RBFOX1: variants seen among roughly 807,000 people sequenced by gnomAD.
RBFOX1 encodes the protein RNA binding fox-1 homolog 1.
RBFOX1 carries 8 observed loss-of-function variants against 57.7 expected under a neutral mutation model. The ratio of observed to expected loss-of-function variants is 0.14; its 90% CI spans 0.08 to 0.25. The LOEUF (loss-of-function observed/expected upper bound fraction) is 0.25. Among genes scored for constraint, RBFOX1 ranks in the 10% least tolerant of loss-of-function variants. RBFOX1 has a pLI of 1.00. For synonymous variants in RBFOX1, 326 were observed against 222.4 expected (o/e 1.47, Z -4.15); for missense variants, 611 against 548.5 (o/e 1.11, Z -1.14).
intron 2 of RBFOX1, among the ~76,000 whole-genome samples, chr16:6,596,522 T>C (rs1228993906): frequency 6.9e-6 from 1 of 145,536 alleles, no homozygotes; most frequent in East Asian, 1.9e-4. Context: ...CACTCCTGTG[T>C]TCCTGGCATT....
chr16:7,529,130 G>A (rs542057118), intron 5 of RBFOX1, among the ~76,000 whole-genome samples: 4 of 152,104 alleles, frequency 2.6e-5, no homozygotes, highest in South Asian at 2.1e-4. Flanking sequence ...GCGTGGTGGC[G>A]GGCACTTGTC....
intron 5 of RBFOX1, among the ~76,000 whole-genome samples, chr16:7,542,400 G>T (rs1172607296): frequency 6.6e-6 from 1 of 152,134 alleles, no homozygotes; most frequent in African/African-American, 2.4e-5. Flanking sequence ...ACCCGGGTCT[G>T]CAGGTGAAAT....
At chr16:7,496,691 C>CTTT (rs71147702) in intron 4 of RBFOX1, among the ~76,000 whole-genome samples, 62 of 139,146 alleles carry the variant, frequency 4.5e-4, no homozygotes, top group Non-Finnish European at 5.3e-4. Flanking sequence ...TTAACAAAGA[C>CTTT]TTTTTTTTTT....
chr16:5,473,854 A>G (rs1213534773), intron 2 of RBFOX1, among the ~76,000 whole-genome samples: 1 of 144,508 alleles, frequency 6.9e-6, no homozygotes, highest in Non-Finnish European at 1.5e-5. Flanking sequence ...AGATGGATGG[A>G]AGGTAGATGG....
chr16:5,763,311 A>G lies in RBFOX1; in HGVS notation c.319-103992A>G, dbSNP rs1181937300. 2.0e-5 allele frequency among the ~76,000 whole-genome samples: 3 copies of G among 152,254 alleles called. No homozygotes were observed. The East Asian group carries it at 5.8e-4, about 29-fold the overall frequency. On this transcript the variant is annotated intron_variant, in intron 3 of 19. Coordinates refer to the RBFOX1 transcript ENST00000641259. ...GTCATGTCTGGGAAACACACACAAG[A>G]GCGCTCCTTTGTTCATGCTGCTCGT...
chr16:6,700,904 G>C (rs1028313640), intron 3 of RBFOX1, among the ~76,000 whole-genome samples: 13 of 152,132 alleles, frequency 8.5e-5, no homozygotes, highest in Non-Finnish European at 1.8e-4. Context: ...CAATTTGCTA[G>C]TCACGTCCTC....
rs546569924 is a variant in RBFOX1, at chr16:6,685,367, C to G, written c.-16+30717C>G. ...CTCGGCTCACTGCAACCTCCGCCTC[C>G]CAGGTTCAAGCAATTCTCTTGCCTC... On this transcript the variant is annotated intron_variant, in intron 3 of 15. Coordinates refer to ENST00000550418, the MANE Select transcript of RBFOX1 (RefSeq NM_018723.4). Among the ~76,000 whole-genome samples the G allele has an allele frequency of 2.0e-5, 3 of 150,660 alleles. No individual in the cohort carries two copies. The South Asian group carries it at 6.3e-4, about 32-fold the overall frequency.
intron 5 of RBFOX1, among the ~76,000 whole-genome samples, chr16:7,563,920 G>A (rs968710375): frequency 6.6e-6 from 1 of 152,182 alleles, no homozygotes; most frequent in Non-Finnish European, 1.5e-5. Flanking sequence ...ACCGGGGCCT[G>A]ATGTATAGTA....
chr16:7,148,421 T>G (rs1006671178), intron 4 of RBFOX1, among the ~76,000 whole-genome samples: 3 of 152,234 alleles, frequency 2.0e-5, no homozygotes, highest in African/African-American at 7.2e-5. Flanking sequence ...CACCTCATCT[T>G]AAGTTCCTTC....
intron 2 of RBFOX1, among the ~76,000 whole-genome samples, chr16:6,364,595 T>A (rs1305276577): frequency 1.3e-5 from 2 of 152,218 alleles, no homozygotes; most frequent in Non-Finnish European, 1.5e-5. Context: ...ACACACACTT[T>A]CATGTTGATG....
At chr16:7,253,136 G>C (rs147291760) in intron 4 of RBFOX1, among the ~76,000 whole-genome samples, 4 of 152,238 alleles carry the variant, frequency 2.6e-5, no homozygotes, top group Middle Eastern at 3.4e-3. Context: ...TTTGCATTTT[G>C]ATGGCTCCGC....
intron 3 of RBFOX1, among the ~76,000 whole-genome samples, chr16:5,843,711 G>A (rs756398015): frequency 1.3e-5 from 2 of 152,152 alleles, no homozygotes; most frequent in Non-Finnish European, 2.9e-5. Context: ...ACAGAGGTCC[G>A]GAGAGGTAAA....
intron 2 of RBFOX1, among the ~76,000 whole-genome samples, chr16:5,575,004 A>G (rs1405263878): frequency 2.0e-5 from 3 of 152,192 alleles, no homozygotes; most frequent in Non-Finnish European, 4.4e-5. Flanking sequence ...CTGGCTAACC[A>G]GATAACAAAC....
intron 1 of RBFOX1, among the ~76,000 whole-genome samples, chr16:6,132,700 G>C (rs1025959358): frequency 6.6e-6 from 1 of 152,104 alleles, no homozygotes; most frequent in Non-Finnish European, 1.5e-5. Flanking sequence ...GAAAAAGTGA[G>C]ATCTCTTTCT....
chr16:7,524,493 C>G (rs1378988152), intron 5 of RBFOX1, among the ~76,000 whole-genome samples: 2 of 152,178 alleles, frequency 1.3e-5, no homozygotes, highest in Non-Finnish European at 2.9e-5. Flanking sequence ...TTACTCTTGA[C>G]ATATTATCAT....
At chr16:5,613,315 G>C (rs893027276) in intron 3 of RBFOX1, among the ~76,000 whole-genome samples, 1 of 152,186 alleles carries the variant, frequency 6.6e-6, no homozygotes, top group Non-Finnish European at 1.5e-5. Context: ...TTGAGGGTGG[G>C]TTCCCCAATA....
chr16:6,144,336 G>C (rs1430266478), intron 1 of RBFOX1, among the ~76,000 whole-genome samples: 1 of 152,082 alleles, frequency 6.6e-6, no homozygotes, highest in East Asian at 1.9e-4. Flanking sequence ...GTACCATTTT[G>C]CTTACCTCTT....
At chr16:7,603,258 T>C (rs998040797) in intron 9 of RBFOX1, among the ~76,000 whole-genome samples, 2 of 152,170 alleles carry the variant, frequency 1.3e-5, no homozygotes, top group African/African-American at 4.8e-5. Context: ...AATTTGTCTA[T>C]TAGGAAAAAC....
intron 1 of RBFOX1, among the ~76,000 whole-genome samples, chr16:5,259,274 A>T (rs953745377): frequency 4.6e-5 from 7 of 152,066 alleles, no homozygotes; most frequent in African/African-American, 1.7e-4. Context: ...TGCTTATTAA[A>T]TACACCAATT....
Sources: allele counts gnomAD v4.1 joint callset (sites outside exome capture counted in the v4.1 genomes callset), GRCh38; gene constraint gnomAD v4.1.1; transcripts MANE v1.5; gene names NCBI Gene and HGNC (gene_info 2026-07-23, HGNC 2026-07-21).